DCLK1: variants seen among roughly 807,000 people sequenced by gnomAD.
The protein encoded by DCLK1 is serine/threonine-protein kinase DCLK1.
In DCLK1, 16 loss-of-function variants were observed where a neutral mutation model predicts 86.2. The ratio of observed to expected loss-of-function variants is 0.19; its 90% CI spans 0.13 to 0.28. The LOEUF (loss-of-function observed/expected upper bound fraction) is 0.28. Among genes scored for constraint, DCLK1 ranks in the 10% least tolerant of loss-of-function variants. The probability of loss-of-function intolerance (pLI) is 1.00; values close to 1 mark genes in which losing one functional copy is unlikely to be tolerated. For missense variants in DCLK1, 590 were observed against 940.2 expected, an observed-to-expected ratio of 0.63 and a Z score of 4.87; for synonymous variants, 369 against 370.5, an observed-to-expected ratio of 1.00 and a Z score of 0.05.
intron 3 of DCLK1, among the ~76,000 whole-genome samples, chr13:36,031,324 CA>C (rs1882261562): frequency 4.8e-5 from 1 of 20,908 alleles, no homozygotes; most frequent in East Asian, 7.1e-4. Context: ...ATATCAACCA[CA>C]CACACACAAA....
intron 4 of DCLK1, among the ~76,000 whole-genome samples, chr13:35,930,273 A>G (rs981832038): frequency 2.0e-5 from 3 of 152,246 alleles, no homozygotes; most frequent in Non-Finnish European, 2.9e-5. Flanking sequence ...GGTGTGGGAA[A>G]ACAAATGGGC....
chr13:36,034,500 C>T (rs1882413289), intron 3 of DCLK1, among the ~76,000 whole-genome samples: 1 of 152,154 alleles, frequency 6.6e-6, no homozygotes, highest in Non-Finnish European at 1.5e-5. Flanking sequence ...ATTAAATGGA[C>T]ATGTTTGTCC....
chr13:35,840,091 G>A (rs1198411453), intron 6 of DCLK1, among the ~76,000 whole-genome samples: 3 of 152,172 alleles, frequency 2.0e-5, no homozygotes, highest in Non-Finnish European at 2.9e-5. Context: ...GGCGGCATTG[G>A]CTCATGGTGC....
At chr13:35,972,718 A>T (rs914562758) in intron 3 of DCLK1, among the ~76,000 whole-genome samples, 2 of 152,156 alleles carry the variant, frequency 1.3e-5, no homozygotes, top group African/African-American at 4.8e-5. Context: ...AAAGATGGCT[A>T]GAGTGGAAAA....
At chr13:35,977,830 G>A (rs543217656) in intron 3 of DCLK1, among the ~76,000 whole-genome samples, 26 of 152,016 alleles carry the variant, frequency 1.7e-4, no homozygotes, top group African/African-American at 5.3e-4. Context: ...ATGTTGTCTC[G>A]GTGGCATAGC....
intron 3 of DCLK1, among the ~76,000 whole-genome samples, chr13:35,959,737 G>T (rs1878350658): frequency 6.6e-6 from 1 of 152,034 alleles, no homozygotes; most frequent in Admixed American, 6.6e-5. Context: ...TGATCTCAGG[G>T]GAGACTACCA....
At chr13:35,841,055 T>A (rs950107971) in intron 6 of DCLK1, among the ~76,000 whole-genome samples, 1 of 152,234 alleles carries the variant, frequency 6.6e-6, no homozygotes, top group Non-Finnish European at 1.5e-5. Flanking sequence ...GTCTACAATG[T>A]AGACCTTCTC....
chr13:35,798,380 C>T (rs1223660904), intron 15 of DCLK1, among the ~76,000 whole-genome samples: 4 of 152,206 alleles, frequency 2.6e-5, no homozygotes, highest in Non-Finnish European at 5.9e-5. Context: ...TATTCATTGC[C>T]AGACTCCATT....
In DCLK1 at chr13:35,848,938, G is replaced by C. The variant is rs1305970309; in HGVS notation, c.1035+5561C>G. ...AAAATAAAGCAGCCTTTTGATCTCA[G>C]CAGGAGTCTCTGGTCATTTCTATTG... On this transcript the variant is annotated intron_variant, in intron 6 of 16. Coordinates refer to ENST00000360631, the MANE Select transcript of DCLK1 (RefSeq NM_001330071.2). 3.0e-6 allele frequency: 3 copies of C among 985,240 alleles called. No homozygotes were observed. The East Asian group carries it at 3.4e-4, about 112-fold the overall frequency. 61.0% of individuals were successfully genotyped at this position (985,240 alleles called of 1,614,324 possible).
chr13:35,790,442 C>T (rs546361876), intron 16 of DCLK1, among the ~76,000 whole-genome samples: 2 of 152,096 alleles, frequency 1.3e-5, no homozygotes, highest in Non-Finnish European at 2.9e-5. Context: ...CAACTGCCAC[C>T]AAACCACAAA....
Position 36,085,679 on chromosome 13 carries a change from T to C in DCLK1, c.723+26190A>G, listed in dbSNP as rs74046723. Among the ~76,000 whole-genome samples the C allele has an allele frequency of 6.4e-3, 981 of 152,316 alleles. 17 individuals are homozygous for C. The highest frequency in any genetic ancestry group is 0.023 in the African/African-American group (946 of 41,574). On this transcript the variant is annotated intron_variant, in intron 3 of 16. Coordinates refer to ENST00000360631, the MANE Select transcript of DCLK1 (RefSeq NM_001330071.2). The stretch of plus-strand genomic sequence containing the variant: ...GAAATAGCTACCAACACCCTGAATG[T>C]TATCAAGCAAAATTATAGTTGGGGT...
At chr13:35,884,859 C>T (rs990589179) in intron 4 of DCLK1, among the ~76,000 whole-genome samples, 2 of 152,066 alleles carry the variant, frequency 1.3e-5, no homozygotes, top group African/African-American at 4.8e-5. Context: ...GATGATGATT[C>T]GTCATAGTTT....
In DCLK1 at chr13:35,774,255, G is replaced by C. The variant is rs1254839599; in HGVS notation, c.*280C>G. On this transcript the variant is annotated 3_prime_UTR_variant, in exon 17 of 17. Coordinates refer to ENST00000360631, the MANE Select transcript of DCLK1 (RefSeq NM_001330071.2). ...ACATACTGCAGATCCTAGCTTGACTGATGAAAACATTCATTGCTTCTAAGT... is the reference window on the plus strand; with the variant it reads ...ACATACTGCAGATCCTAGCTTGACTCATGAAAACATTCATTGCTTCTAAGT... 4 of 362,070 alleles carry C rather than the reference G, an allele frequency of 1.1e-5. No homozygotes were observed. The highest frequency in any genetic ancestry group is 8.1e-5 in the African/African-American group (4 of 49,314). The allele number at this position is 362,070 out of a possible 1,614,324, so 22.4% of individuals were successfully genotyped here.
At chr13:35,871,401 A>C in intron 4 of DCLK1, 61 bp from the exon 5 acceptor site, 1 of 1,310,120 alleles carries the variant, frequency 7.6e-7, no homozygotes, top group Non-Finnish European at 1.1e-6. Context: ...CACCAACTCA[A>C]AATGCACAAT....
intron 3 of DCLK1, among the ~76,000 whole-genome samples, chr13:35,995,142 A>C: frequency 6.6e-6 from 1 of 152,162 alleles, no homozygotes; most frequent in Admixed American, 6.5e-5. Flanking sequence ...TTTCTTTCTT[A>C]AACCTCTGCT....
At chr13:35,914,715 C>CA (rs575665168) in intron 4 of DCLK1, among the ~76,000 whole-genome samples, 253 of 105,050 alleles carry the variant, frequency 2.4e-3, no homozygotes, top group South Asian at 3.4e-3. Context: ...GATTCTATCT[C>CA]AAAAAAAAAA....
intron 3 of DCLK1, among the ~76,000 whole-genome samples, chr13:36,084,581 T>C (rs923462071): frequency 2.6e-5 from 4 of 152,222 alleles, no homozygotes; most frequent in African/African-American, 9.6e-5. Context: ...AGTCATTCTA[T>C]TTCAAGATTT....
At chr13:35,884,149 C>T (rs1873087209) in intron 4 of DCLK1, among the ~76,000 whole-genome samples, 1 of 151,848 alleles carries the variant, frequency 6.6e-6, no homozygotes, top group African/African-American at 2.4e-5. Context: ...AGAAAATTAC[C>T]AAGGGAAATC....
chr13:36,027,329 C>T (rs559776378), intron 3 of DCLK1, among the ~76,000 whole-genome samples: 3 of 152,316 alleles, frequency 2.0e-5, no homozygotes, highest in South Asian at 4.1e-4. Context: ...CTAATGCTGC[C>T]GCTGATCTGG....
Sources: allele counts gnomAD v4.1 joint callset (sites outside exome capture counted in the v4.1 genomes callset), GRCh38; gene constraint gnomAD v4.1.1; transcripts MANE v1.5; gene names NCBI Gene and HGNC (gene_info 2026-07-23, HGNC 2026-07-21).